ERBB4: variants seen among roughly 807,000 people sequenced by gnomAD.
ERBB4 encodes receptor tyrosine-protein kinase erbB-4.
ERBB4 carries 42 observed loss-of-function variants against 158.0 expected under a neutral mutation model. The ratio of observed to expected loss-of-function variants is 0.27; its 90% confidence interval spans 0.21 to 0.34. ERBB4 has a LOEUF of 0.34. Among genes scored for constraint, ERBB4 ranks in the 10% least tolerant of loss-of-function variants. The probability of loss-of-function intolerance (pLI) is 1.00; values close to 1 mark genes in which losing one functional copy is unlikely to be tolerated. For synonymous variants in ERBB4, 583 were observed against 558.7 expected (o/e 1.04, Z -0.61); for missense variants, 1,333 against 1,624.1 (o/e 0.82, Z 3.08).
chr2:212,055,921 G>A (rs954615902), intron 2 of ERBB4, among the ~76,000 whole-genome samples: 1 of 152,244 alleles, frequency 6.6e-6, no homozygotes, highest in Non-Finnish European at 1.5e-5. Context: ...GAACAAAGCT[G>A]GATGGAGAAT....
At chr2:211,994,277 C>T (rs1283787331) in intron 2 of ERBB4, among the ~76,000 whole-genome samples, 1 of 151,818 alleles carries the variant, frequency 6.6e-6, no homozygotes, top group African/African-American at 2.4e-5. Flanking sequence ...ATGACAGACA[C>T]ATGCCACCAC....
chr2:212,431,083 ACT>A (rs1026748735), intron 1 of ERBB4, among the ~76,000 whole-genome samples: 80 of 151,936 alleles, frequency 5.3e-4, no homozygotes, highest in African/African-American at 1.9e-3. Context: ...ACTGATTGAC[ACT>A]GATTCCCTCT....
intron 19 of ERBB4, among the ~76,000 whole-genome samples, chr2:211,604,547 ACAGT>A (rs1318307310): frequency 4.6e-5 from 7 of 152,296 alleles, no homozygotes; most frequent in Non-Finnish European, 8.8e-5. Flanking sequence ...GCCAGTGTTC[ACAGT>A]CAGTCTTATC....
chr2:212,490,873 C>G (rs1690239300), intron 1 of ERBB4, among the ~76,000 whole-genome samples: 1 of 151,644 alleles, frequency 6.6e-6, no homozygotes, highest in Non-Finnish European at 1.5e-5. Context: ...ACTAAATAAG[C>G]CTCTACTACA....
chr2:212,351,667 G>T (rs888872043), intron 1 of ERBB4, among the ~76,000 whole-genome samples: 1 of 152,028 alleles, frequency 6.6e-6, no homozygotes, highest in African/African-American at 2.4e-5. Flanking sequence ...TGCTAACCAC[G>T]TTTCAAGTGT....
chr2:212,045,905 A>G (rs2077250112), intron 2 of ERBB4, among the ~76,000 whole-genome samples: 1 of 152,202 alleles, frequency 6.6e-6, no homozygotes, highest in Non-Finnish European at 1.5e-5. Flanking sequence ...ATTTGTAGCT[A>G]TATCTCTAAG....
chr2:211,879,063 T>C (rs2078592892), intron 3 of ERBB4, among the ~76,000 whole-genome samples: 1 of 152,152 alleles, frequency 6.6e-6, no homozygotes, highest in Admixed American at 6.6e-5. Context: ...TCATGGTTGG[T>C]AAATGCTGGG....
intron 2 of ERBB4, among the ~76,000 whole-genome samples, chr2:211,984,583 T>C (rs2081890508): frequency 6.6e-6 from 1 of 152,112 alleles, no homozygotes; most frequent in South Asian, 2.1e-4. Context: ...TTCAGGTTTG[T>C]ACTCAACATT....
chr2:211,468,741 T>C (rs2064759094), intron 20 of ERBB4, among the ~76,000 whole-genome samples: 1 of 151,974 alleles, frequency 6.6e-6, no homozygotes, highest in African/African-American at 2.4e-5. Flanking sequence ...ACTTTACACC[T>C]CCAACAAATA....
At chr2:211,534,921 T>C (rs1454698216) in intron 20 of ERBB4, among the ~76,000 whole-genome samples, 1 of 152,080 alleles carries the variant, frequency 6.6e-6, no homozygotes, top group Non-Finnish European at 1.5e-5. Flanking sequence ...AACTGCCCAG[T>C]TCTCACTCAC....
At position 212,345,911 on chromosome 2, in the gene ERBB4, T is replaced by A. The variant is rs114061273; in HGVS notation, c.82+192538A>T. On this transcript the variant is annotated intron_variant, in intron 1 of 27. Transcript: ENST00000342788. Reference sequence around the variant, plus strand: ...GGAAAATGAAGGTCAGAAAATATATTTGAATTCTCCGAAAAAGATAGAGAG... The same window carrying A: ...GGAAAATGAAGGTCAGAAAATATATATGAATTCTCCGAAAAAGATAGAGAG... 1.5e-3 allele frequency among the ~76,000 whole-genome samples: 225 copies of A among 152,268 alleles called. 1 individual carries two copies. The highest frequency in any genetic ancestry group is 0.01 in the Middle Eastern group (3 of 292).
At chr2:211,647,262 T>A (rs1341498308) in intron 16 of ERBB4, among the ~76,000 whole-genome samples, 3 of 151,436 alleles carry the variant, frequency 2.0e-5, no homozygotes, top group Admixed American at 6.6e-5. Flanking sequence ...TCACACTCTA[T>A]AAAATCTTCC....
chr2:212,166,508 T>C (rs578106437), intron 1 of ERBB4, among the ~76,000 whole-genome samples: 1 of 151,824 alleles, frequency 6.6e-6, no homozygotes, highest in African/African-American at 2.4e-5. Context: ...ATGGTTATAC[T>C]GCCCAAAGTA....
At chr2:211,515,912 A>ATATATTTTTT (rs35696520) in intron 20 of ERBB4, among the ~76,000 whole-genome samples, 1 of 78,976 alleles carries the variant, frequency 1.3e-5, no homozygotes, top group African/African-American at 5.7e-5. Context: ...ATATATATAT[A>ATATATTTTTT]TTTTTTTTTT....
At chr2:211,614,971 C>A (rs1165716107) in intron 19 of ERBB4, among the ~76,000 whole-genome samples, 5 of 152,008 alleles carry the variant, frequency 3.3e-5, no homozygotes, top group Admixed American at 3.3e-4. Flanking sequence ...ATAATAAAGT[C>A]AGATGACTTA....
chr2:212,310,187 CATGTT>C (rs1030714388), intron 1 of ERBB4, among the ~76,000 whole-genome samples: 2 of 150,538 alleles, frequency 1.3e-5, no homozygotes, highest in Non-Finnish European at 3.0e-5. Flanking sequence ...CACCATTCTC[CATGTT>C]ATAACTATAA....
At position 212,533,369 on chromosome 2, in the gene ERBB4, T is replaced by A. The variant is rs373064447; in HGVS notation, c.82+5080A>T. The stretch of plus-strand genomic sequence containing the variant: ...AACTGTACAGTGCAGAAATAGTGCA[T>A]TATATGCATTTCTCTCCCAGGCAGA... On this transcript the variant is annotated intron_variant, in intron 1 of 27. Transcript: ENST00000342788. 1.2e-4 allele frequency among the ~76,000 whole-genome samples: 19 copies of A among 152,350 alleles called. 1 individual carries two copies. The highest frequency in any genetic ancestry group is 4.6e-4 in the African/African-American group (19 of 41,586).
intron 20 of ERBB4, among the ~76,000 whole-genome samples, chr2:211,451,067 G>A (rs2125477401): frequency 6.6e-6 from 1 of 152,200 alleles, no homozygotes; most frequent in East Asian, 1.9e-4. Context: ...AGAGATGAAA[G>A]TGAAGAAACA....
At chr2:212,009,465 A>C (rs756230133) in intron 2 of ERBB4, among the ~76,000 whole-genome samples, 1 of 151,738 alleles carries the variant, frequency 6.6e-6, no homozygotes, top group Non-Finnish European at 1.5e-5. Context: ...CCATTAGAAG[A>C]AGCAACACTT....
Sources: allele counts gnomAD v4.1 joint callset (sites outside exome capture counted in the v4.1 genomes callset), GRCh38; gene constraint gnomAD v4.1.1; transcripts MANE v1.5; gene names NCBI Gene and HGNC (gene_info 2026-07-23, HGNC 2026-07-21).